The following FGD4 variants were observed in gnomAD, a reference collection of about 807,000 sequenced individuals.
FGD4 encodes the protein FYVE, RhoGEF and PH domain-containing protein 4.
In FGD4, 42 loss-of-function variants were observed where a neutral mutation model predicts 102.0. The ratio of observed to expected loss-of-function variants is 0.41; its 90% CI spans 0.32 to 0.53. The LOEUF (loss-of-function observed/expected upper bound fraction) is 0.53. Among genes scored for constraint, FGD4 ranks in the 20% least tolerant of loss-of-function variants. FGD4 has a pLI of 0.21. For synonymous variants in FGD4, 380 were observed against 375.7 expected, an observed-to-expected ratio of 1.01 and a Z score of -0.13; for missense variants, 902 against 1,078.2, an observed-to-expected ratio of 0.84 and a Z score of 2.29.
intron 1 of FGD4, among the ~76,000 whole-genome samples, chr12:32,519,223 C>T (rs1431810352): frequency 1.3e-5 from 2 of 151,170 alleles, no homozygotes; most frequent in Non-Finnish European, 2.9e-5. Flanking sequence ...AAATATTTAG[C>T]AGGTTCTTAC....
chr12:32,617,511 A>G (rs1949520596), intron 10 of FGD4, among the ~76,000 whole-genome samples: 1 of 152,254 alleles, frequency 6.6e-6, no homozygotes, highest in African/African-American at 2.4e-5. Flanking sequence ...GTAGAGATCA[A>G]GAAAGACCCT....
In FGD4 at chr12:32,506,349, G is replaced by A. The variant is rs990944796; in HGVS notation, c.167-57788G>A. 3.3e-5 allele frequency among the ~76,000 whole-genome samples: 5 copies of A among 152,158 alleles called. No individual in the cohort carries two copies. Among genetic ancestry groups the A allele is most frequent in the African/African-American group, 4.8e-5 (2 of 41,432 alleles). ...ACTGCCAAGCCAATTGGATGCATATGTTTCTCAGCTTGCAGGCATTCTCCC... is the reference window on the plus strand; with the variant it reads ...ACTGCCAAGCCAATTGGATGCATATATTTCTCAGCTTGCAGGCATTCTCCC... On this transcript the variant is annotated intron_variant, in intron 1 of 16. Transcript: ENST00000534526. This position sits in a 1 kb window ranked among gnomAD's most constrained non-coding sequence, Gnocchi z 4.5.
intron 4 of FGD4, among the ~76,000 whole-genome samples, chr12:32,583,576 GT>G (rs563849006): frequency 4.5e-4 from 68 of 152,302 alleles, no homozygotes; most frequent in African/African-American, 1.5e-3. Context: ...TGGTGGGATT[GT>G]TGAGAACTGG....
intron 1 of FGD4, among the ~76,000 whole-genome samples, chr12:32,456,463 A>G (rs928168596): frequency 4.6e-5 from 7 of 152,140 alleles, no homozygotes; most frequent in African/African-American, 1.4e-4. Flanking sequence ...TAGTAAAAGG[A>G]TACTACCCCT....
At chr12:32,449,919 AT>A (rs144841230) in intron 1 of FGD4, among the ~76,000 whole-genome samples, 31,486 of 150,178 alleles carry the variant, frequency 0.21, 3,728 homozygotes, top group East Asian at 0.29. Flanking sequence ...ATTTTTATTT[AT>A]TTTTTTTTAT....
At chr12:32,509,399 G>C (rs1390106993) in intron 1 of FGD4, among the ~76,000 whole-genome samples, 1 of 151,736 alleles carries the variant, frequency 6.6e-6, no homozygotes, top group African/African-American at 2.4e-5. Flanking sequence ...GTCCTCAGGT[G>C]GTTAGTCATT....
intron 1 of FGD4, among the ~76,000 whole-genome samples, chr12:32,471,924 T>A (rs1055443332): frequency 6.6e-6 from 1 of 152,160 alleles, no homozygotes; most frequent in Non-Finnish European, 1.5e-5. Flanking sequence ...AACAAAAATG[T>A]AAACACCTAG....
At chr12:32,415,051 A>C (rs1179959435) in intron 1 of FGD4, among the ~76,000 whole-genome samples, 4 of 152,214 alleles carry the variant, frequency 2.6e-5, no homozygotes, top group African/African-American at 9.6e-5. Context: ...CTGTTCATTC[A>C]GGAGCATATT....
At chr12:32,575,581 G>C (rs1194761990) in intron 2 of FGD4, among the ~76,000 whole-genome samples, 1 of 152,126 alleles carries the variant, frequency 6.6e-6, no homozygotes, top group Non-Finnish European at 1.5e-5. Context: ...ATGATGTTTG[G>C]AGGGGACAAA....
intron 10 of FGD4, among the ~76,000 whole-genome samples, chr12:32,619,221 G>A (rs1949643163): frequency 6.6e-6 from 1 of 152,134 alleles, no homozygotes; most frequent in Non-Finnish European, 1.5e-5. Context: ...GTAGGAATAT[G>A]ATTTTTTATA....
chr12:32,437,425 C>T (rs1565739803), intron 1 of FGD4, among the ~76,000 whole-genome samples: 1 of 152,158 alleles, frequency 6.6e-6, no homozygotes, highest in East Asian at 1.9e-4. Context: ...CTTTATGCTC[C>T]CTATACGATG....
intron 1 of FGD4, among the ~76,000 whole-genome samples, chr12:32,412,351 T>G (rs1433018106): frequency 6.6e-6 from 1 of 152,192 alleles, no homozygotes; most frequent in African/African-American, 2.4e-5. Flanking sequence ...CTATCTGGTG[T>G]TTATGTAGAC....
chr12:32,617,156 C>T lies in FGD4; in HGVS notation c.1750-2542C>T, dbSNP rs543186924. Among the ~76,000 whole-genome samples, 63 of 152,322 alleles carry T rather than the reference C, an allele frequency of 4.1e-4. No individual in the cohort carries two copies. The South Asian group carries it at 0.012, about 29-fold the overall frequency. ...CATTAGGGATTAAGTTTCCAACACA[C>T]GCTTTTTACACATTCAAACCATGGC... is the stretch of plus-strand genomic sequence containing the variant. On this transcript the variant is annotated intron_variant, in intron 10 of 16. Coordinates refer to ENST00000534526, the MANE Select transcript of FGD4 (RefSeq NM_001370298.3).
intron 1 of FGD4, among the ~76,000 whole-genome samples, chr12:32,501,598 G>C (rs1938221403): frequency 1.3e-5 from 2 of 152,180 alleles, no homozygotes; most frequent in Non-Finnish European, 2.9e-5. Flanking sequence ...CGGTAAAAAT[G>C]AATGTATGTT....
chr12:32,625,593 T>A, intron 13 of FGD4, 61 bp from the exon 14 acceptor site: 2 of 1,560,538 alleles, frequency 1.3e-6, no homozygotes, highest in Non-Finnish European at 1.7e-6. Context: ...TTTCAAAAAA[T>A]AATAATAAAA....
At chr12:32,486,288 G>A in intron 1 of FGD4, 1 of 867,342 alleles carries the variant, frequency 1.2e-6, no homozygotes, top group Non-Finnish European at 1.7e-6. Context: ...TACCACGATG[G>A]AAAAATTATC....
At chr12:32,605,705 A>G (rs936739819) in intron 7 of FGD4, among the ~76,000 whole-genome samples, 3 of 152,212 alleles carry the variant, frequency 2.0e-5, no homozygotes, top group African/African-American at 7.2e-5. Context: ...TTATTCTGAT[A>G]TGTATTGGAT....
intron 1 of FGD4, among the ~76,000 whole-genome samples, chr12:32,451,885 A>G (rs1942788167): frequency 6.7e-6 from 1 of 149,048 alleles, no homozygotes. Flanking sequence ...ACTTAAGATC[A>G]TGCTGATATT....
intron 15 of FGD4, among the ~76,000 whole-genome samples, chr12:32,635,864 T>G (rs1003144045): frequency 2.6e-5 from 4 of 151,620 alleles, no homozygotes; most frequent in Admixed American, 1.3e-4. Context: ...AGTACAAAAA[T>G]TAGCCCGCGT....
Sources: gnomAD v4.1 joint callset for allele counts (sites outside exome capture counted in the v4.1 genomes callset) on GRCh38, gnomAD v4.1.1 for gene constraint, Gnocchi (gnomAD v3.1) non-coding constraint, MANE v1.5 for transcripts, NCBI Gene and HGNC (gene_info 2026-07-23, HGNC 2026-07-21) for gene names.